WDR81: variants seen among roughly 807,000 people sequenced by gnomAD.
WDR81 encodes the protein WD repeat domain 81.
A neutral mutation model predicts 140.8 loss-of-function variants in WDR81; 92 were observed. The observed-to-expected ratio is 0.65, with a 90% CI of 0.55 to 0.78. The LOEUF is 0.78. Among genes scored for constraint, WDR81 ranks in the 30% least tolerant of loss-of-function variants. The pLI is 0.00. For missense variants in WDR81, 2,502 were observed against 2,636.4 expected, an observed-to-expected ratio of 0.95 and a Z score of 1.12; for synonymous variants, 1,183 against 1,156.4, an observed-to-expected ratio of 1.02 and a Z score of -0.47.
In WDR81 at chr17:1,731,139, G is replaced by A; in HGVS notation, c.4038G>A (p.Val1346=). The A allele has an allele frequency of 6.2e-7, 1 of 1,613,350 alleles. No individual in the cohort carries two copies. The highest frequency in any genetic ancestry group is 1.1e-5 in the South Asian group (1 of 91,090). The stretch of plus-strand genomic sequence containing the variant: ...AGGAGGCGGGGCTGCTGGCCGCGGT[G>A]ACGCTGACTCAGAAGATCATCGTGT... ...SRKEAGLLAA[V]TLTQKIIVYL... is the part of the protein sequence containing the mutation. Residue 1346 remains valine, a synonymous_variant, in exon 4 of 10, where the codon GTG becomes GTA. Transcript: ENST00000409644.
chr17:1,734,639 C>T (rs1433950487), intron 7 of WDR81, among the ~76,000 whole-genome samples: 1 of 151,864 alleles, frequency 6.6e-6, no homozygotes, highest in African/African-American at 2.4e-5. Flanking sequence ...ATTAGCCGGG[C>T]GTGGTGGCGG....
chr17:1,733,488 C>G (rs1904550889), intron 6 of WDR81, 39 bp from the exon 7 acceptor site: 2 of 1,495,854 alleles, frequency 1.3e-6, no homozygotes, highest in Non-Finnish European at 1.8e-6. Context: ...AGCCGCCTGC[C>G]ATCTTCCCTG....
Position 1,737,500 on chromosome 17 carries a change from G to A in WDR81, c.5641G>A (p.Glu1881Lys), listed in dbSNP as rs765637361. 27 of 1,613,024 alleles carry A rather than the reference G, an allele frequency of 1.7e-5. No homozygotes were observed. Among genetic ancestry groups the A allele is most frequent in the South Asian group, 6.6e-5 (6 of 91,090 alleles). ...PIHTFDLYGS[E>K]VVTGTVSNKI... ...CCACACCTTTGACCTGTACGGCAGC[G>A]AGGTGGTCACTGGCACCGTGTCCAA... The change falls in exon 10 of 10, where the codon GAG becomes AAG. Residue 1881 changes from glutamate to lysine, a missense_variant. By Grantham distance (56) the Glu-to-Lys change is moderately conservative. This residue lies in a region of WDR81 where 1,737 missense variants were observed against 1,843.0 expected (regional missense o/e 0.94). Transcript: ENST00000409644.
upstream of WDR81, among the ~76,000 whole-genome samples, chr17:1,720,993 C>T (rs1308661439): frequency 1.3e-5 from 2 of 152,104 alleles, no homozygotes; most frequent in African/African-American, 4.8e-5. Flanking sequence ...AGGGCACACA[C>T]AGACTTGCAG....
At chr17:1,728,648 G>T in intron 1 of WDR81, 22 bp downstream of exon 1, 1 of 1,448,346 alleles carries the variant, frequency 6.9e-7, no homozygotes, top group East Asian at 2.5e-5. Context: ...GGTCTGGGAG[G>T]TGTTGGTCAA....
chr17:1,733,517 T>C lies in WDR81; in HGVS notation c.4490-10T>C. 1 of 1,513,864 alleles carries C rather than the reference T, an allele frequency of 6.6e-7. No individual in the cohort carries two copies. The highest frequency in any genetic ancestry group is 2.3e-5 in the East Asian group (1 of 43,772). The allele number at this position is 1,513,864 out of a possible 1,614,324, so 93.8% of individuals were successfully genotyped here. On this transcript the variant is annotated splice_polypyrimidine_tract_variant and intron_variant, in intron 6 of 9. Coordinates refer to ENST00000409644, the MANE Select transcript of WDR81 (RefSeq NM_001163809.2). ...TTCCCTGTCTCAGGACCTCTCCCAC[T>C]CCTATCCAGGTGACATCATCCGGAA...
At position 1,726,162 on chromosome 17, in the gene WDR81, G is replaced by A; in HGVS notation, c.1203G>A (p.Lys401=). The A allele has an allele frequency of 6.6e-7, 1 of 1,519,758 alleles. No homozygotes were observed. Among genetic ancestry groups the A allele is most frequent in the South Asian group, 1.2e-5 (1 of 81,022 alleles). The allele number at this position is 1,519,758 out of a possible 1,614,324, so 94.1% of individuals were successfully genotyped here. The change falls in exon 1 of 10, where the codon AAG becomes AAA. Residue 401 remains lysine, a synonymous_variant. Coordinates refer to ENST00000409644, the MANE Select transcript of WDR81 (RefSeq NM_001163809.2). Reference sequence around the variant, plus strand: ...ATGGGCGCTTCCGAGACCTGCGCAAGTCCAAGTTCCGCCTCAACAAGGGGG... The same window carrying A: ...ATGGGCGCTTCCGAGACCTGCGCAAATCCAAGTTCCGCCTCAACAAGGGGG... ...TPHGRFRDLR[K]SKFRLNKGDK...
rs929384822 is a variant in WDR81 at position 1,732,594 on chromosome 17, C to T, written c.4324-72C>T. ...GGATCTGAAGCTGGACTCCGCGGGC[C>T]GTGGCGAGGACCAGGGTGGGCCAGG... is the stretch of plus-strand genomic sequence containing the variant. On this transcript the variant is annotated intron_variant, in intron 5 of 9. Transcript: ENST00000409644. 3.3e-5 allele frequency: 50 copies of T among 1,535,200 alleles called. 1 individual carries two copies. In the South Asian group the frequency reaches 3.3e-4, roughly 10 times the overall value.
intron 1 of WDR81, among the ~76,000 whole-genome samples, chr17:1,718,850 G>A (rs1027193153): frequency 3.9e-5 from 6 of 152,052 alleles, no homozygotes; most frequent in Non-Finnish European, 7.4e-5. Flanking sequence ...TCTGAACACT[G>A]ACCCCACCCC....
At chr17:1,724,297 G>C (rs908354009), upstream of WDR81, among the ~76,000 whole-genome samples, 7 of 152,264 alleles carry the variant, frequency 4.6e-5, no homozygotes, top group African/African-American at 1.4e-4. Flanking sequence ...CCGGGAGGCA[G>C]AGGTTGCGGT....
intron 1 of WDR81, chr17:1,716,768 G>A (rs954209891): frequency 2.0e-6 from 2 of 997,772 alleles, no homozygotes; most frequent in South Asian, 1.5e-5. Flanking sequence ...TCTGCGGGAC[G>A]CTATAGCTCT....
intron 1 of WDR81, among the ~76,000 whole-genome samples, 194 bp downstream of exon 1, chr17:1,728,820 G>A (rs1681894797): frequency 6.6e-6 from 1 of 152,114 alleles, no homozygotes; most frequent in Admixed American, 6.6e-5. Context: ...GGGCGTGGGG[G>A]CAGGCACCTG....
upstream of WDR81, chr17:1,724,698 C>T: frequency 1.9e-6 from 2 of 1,077,948 alleles, no homozygotes; most frequent in South Asian, 4.5e-5. Flanking sequence ...TCACGTGACC[C>T]GCGTCAGCTG....
At position 1,725,305 on chromosome 17, in the gene WDR81, TC is replaced by T. The variant is rs1915160277; in HGVS notation, c.348del (p.Tyr117ThrfsTer137). 6.5e-7 allele frequency: 1 copy of T among 1,548,094 alleles called. No individual in the cohort carries two copies. Among genetic ancestry groups the T allele is most frequent in the Non-Finnish European group, 8.7e-7 (1 of 1,146,956 alleles). On this transcript the variant is annotated frameshift_variant, in exon 1 of 10. Transcript: ENST00000409644. LOFTEE classifies it high-confidence loss of function. ...EVHGLRKRRL[S>X]YPLGGGLPFE... The stretch of plus-strand genomic sequence containing the variant: ...GCATGGGCTGCGGAAGCGGAGACTG[TC>T]CTACCCTCTGGGCGGGGGCCTGCCC...
At chr17:1,737,139 C>A (rs116939464) in intron 9 of WDR81, among the ~76,000 whole-genome samples, 2 of 152,290 alleles carry the variant, frequency 1.3e-5, no homozygotes, top group African/African-American at 2.4e-5. Flanking sequence ...TGGCACCATG[C>A]CTGTGCGTAG....
At position 1,731,058 on chromosome 17, in the gene WDR81, G is replaced by T. The variant is rs554912116; in HGVS notation, c.3967-10G>T. The T allele has an allele frequency of 2.5e-6, 4 of 1,610,948 alleles. No individual in the cohort carries two copies. The East Asian group carries it at 8.9e-5, about 36-fold the overall frequency. ...GGGCTGCCCGGCCCTCATCTGCTCG[G>T]TGGCTCTAGGTGGCCCCAGGGAGTG... is the stretch of plus-strand genomic sequence containing the variant. On this transcript the variant is annotated splice_polypyrimidine_tract_variant and intron_variant, in intron 3 of 9. Coordinates refer to ENST00000409644, the MANE Select transcript of WDR81 (RefSeq NM_001163809.2).
At chr17:1,716,617 A>G (rs949927926) in exon 1 of WDR81, 1 of 1,551,590 alleles carries the variant, frequency 6.4e-7, no homozygotes, top group African/African-American at 1.4e-5. Context: ...CGTCGTTCCC[A>G]GAACCCAGCG....
rs1042096871 is a variant in WDR81, at chr17:1,726,893, C to G, written c.1934C>G (p.Ala645Gly). The G allele has an allele frequency of 6.4e-7, 1 of 1,550,462 alleles. No individual in the cohort carries two copies. The highest frequency in any genetic ancestry group is 1.4e-5 in the African/African-American group (1 of 73,184). The change falls in exon 1 of 10, where the codon GCT becomes GGT. Residue 645 changes from alanine to glycine, a missense_variant. Coordinates refer to ENST00000409644, the MANE Select transcript of WDR81 (RefSeq NM_001163809.2). ...GTTTTAGAGGCCACTCCCTGTGAGG[C>G]TAGCTGGACCAGAGACAGGCCGGTG... Reference protein sequence around the residue: ...RPVLEATPCEASWTRDRPVAG... With the variant: ...RPVLEATPCEGSWTRDRPVAG...
upstream of WDR81, chr17:1,724,669 T>G (rs1259802221): frequency 3.8e-6 from 4 of 1,044,490 alleles, no homozygotes; most frequent in Non-Finnish European, 2.3e-6. Flanking sequence ...CACGTGCGCT[T>G]GTTTCCGTGC....
Sources: allele counts gnomAD v4.1 joint callset (sites outside exome capture counted in the v4.1 genomes callset), GRCh38; gene constraint gnomAD v4.1.1; regional missense constraint gnomAD v4.1.1; transcripts MANE v1.5; gene names NCBI Gene and HGNC (gene_info 2026-07-23, HGNC 2026-07-21).